Variants in RERE observed in about 807,000 individuals in gnomAD.
The protein encoded by RERE is arginine-glutamic acid dipeptide repeats protein.
In RERE, 40 loss-of-function variants were observed where a neutral mutation model predicts 146.1. The ratio of observed to expected loss-of-function variants is 0.27; its 90% CI spans 0.21 to 0.36. RERE has a LOEUF of 0.36. RERE is among the 10% of genes least tolerant of loss of function. The pLI is 1.00. For missense variants in RERE, 1,933 were observed against 2,138.7 expected (o/e 0.90, Z 1.90); for synonymous variants, 1,003 against 866.0 (o/e 1.16, Z -2.78).
intron 11 of RERE, among the ~76,000 whole-genome samples, chr1:8,445,311 A>G (rs1167753773): frequency 6.6e-6 from 1 of 152,208 alleles, no homozygotes; most frequent in African/African-American, 2.4e-5. Flanking sequence ...TGCCGTATGT[A>G]ACTGCTGTTC....
At chr1:8,433,802 C>T (rs990850570) in intron 11 of RERE, among the ~76,000 whole-genome samples, 7 of 151,936 alleles carry the variant, frequency 4.6e-5, no homozygotes, top group African/African-American at 1.7e-4. Context: ...CCTCATGATC[C>T]ACCCGCCTCG....
At position 8,410,109 on chromosome 1, in the gene RERE, AG is replaced by A. The variant is rs1312971680; in HGVS notation, c.1284+12617del. ...CCTATATGTGACTTTATGTTAGTCT[AG>A]GAACTGTGCACTGATGCACACCCAG... is the stretch of plus-strand genomic sequence containing the variant. On this transcript the variant is annotated intron_variant, in intron 12 of 22. Transcript: ENST00000400908. 2.6e-5 allele frequency among the ~76,000 whole-genome samples: 4 copies of A among 151,348 alleles called. No homozygotes were observed. The East Asian group carries it at 7.8e-4, about 29-fold the overall frequency.
chr1:8,701,161 A>G (rs990328476), intron 1 of RERE, among the ~76,000 whole-genome samples: 3 of 152,172 alleles, frequency 2.0e-5, no homozygotes, highest in Non-Finnish European at 4.4e-5. Context: ...CATCACACAC[A>G]GGCAATTCAC....
chr1:8,610,274 T>C (rs185545451), intron 4 of RERE, among the ~76,000 whole-genome samples: 4 of 152,238 alleles, frequency 2.6e-5, no homozygotes, highest in Admixed American at 2.6e-4. Flanking sequence ...TTCAAGAGAC[T>C]TTATGGATTT....
intron 7 of RERE, among the ~76,000 whole-genome samples, chr1:8,536,443 G>C (rs1196510685): frequency 1.3e-5 from 2 of 152,170 alleles, no homozygotes; most frequent in Non-Finnish European, 2.9e-5. Flanking sequence ...GGACAGTAAA[G>C]AGAGGCATAT....
chr1:8,354,259 C>T lies in RERE; in HGVS notation c.*828G>A, dbSNP rs1172115741. 2.6e-5 allele frequency: 4 copies of T among 152,544 alleles called. No individual in the cohort carries two copies. The highest frequency in any genetic ancestry group is 3.8e-4 in the East Asian group (2 of 5,196). The allele number at this position is 152,544 out of a possible 1,614,324, so 9.4% of individuals were successfully genotyped here. A position where few individuals can be genotyped will look rare whatever the true frequency, so the allele number is the denominator to read the frequency against. Reference sequence around the variant, plus strand: ...GTCTGTGCTGCTGGCAGAGCACAGGCTAGGAGCAGACACAAGTGAAACGCC... The same window carrying T: ...GTCTGTGCTGCTGGCAGAGCACAGGTTAGGAGCAGACACAAGTGAAACGCC... On this transcript the variant is annotated 3_prime_UTR_variant, in exon 23 of 23. Transcript: ENST00000400908.
chr1:8,665,008 C>T (rs1203079784), intron 1 of RERE, among the ~76,000 whole-genome samples: 2 of 152,136 alleles, frequency 1.3e-5, no homozygotes, highest in Non-Finnish European at 2.9e-5. Context: ...GGTGCTTATC[C>T]TTTTTTCGCT....
chr1:8,363,638 A>T (rs185974222), intron 15 of RERE: 27 of 203,702 alleles, frequency 1.3e-4, no homozygotes, highest in African/African-American at 6.4e-4. Flanking sequence ...CTATGCAGTG[A>T]GCAGAAAAAT....
At chr1:8,383,275 T>C (rs1642518326) in intron 12 of RERE, among the ~76,000 whole-genome samples, 1 of 151,562 alleles carries the variant, frequency 6.6e-6, no homozygotes, top group African/African-American at 2.4e-5. Context: ...CTAAGAAGCC[T>C]GTCTCCACCC....
At chr1:8,626,028 C>CTA (rs1282278192) in intron 2 of RERE, among the ~76,000 whole-genome samples, 1 of 152,222 alleles carries the variant, frequency 6.6e-6, no homozygotes, top group Non-Finnish European at 1.5e-5. Context: ...TAAGCTTTCC[C>CTA]TATCTTGTTC....
At chr1:8,448,418 G>C (rs1570256175) in intron 11 of RERE, among the ~76,000 whole-genome samples, 1 of 151,960 alleles carries the variant, frequency 6.6e-6, no homozygotes, top group Admixed American at 6.6e-5. Flanking sequence ...ACAGATAGAT[G>C]AAGAGTTATC....
At chr1:8,626,835 T>C (rs1646979117) in intron 2 of RERE, among the ~76,000 whole-genome samples, 1 of 152,204 alleles carries the variant, frequency 6.6e-6, no homozygotes, top group African/African-American at 2.4e-5. Context: ...TGTCTTTGAC[T>C]GTTAAGCCAC....
chr1:8,359,172 G>C (rs192366263), intron 19 of RERE, among the ~76,000 whole-genome samples: 51 of 152,330 alleles, frequency 3.3e-4, no homozygotes, highest in African/African-American at 1.1e-3. Flanking sequence ...CTCATGCATG[G>C]GTTGTCTACG....
chr1:8,401,421 AAC>A (rs1436644635), intron 12 of RERE, among the ~76,000 whole-genome samples: 3 of 151,840 alleles, frequency 2.0e-5, no homozygotes, highest in African/African-American at 4.8e-5. Flanking sequence ...CAGCCTGCGC[AAC>A]AGAGTGAGAA....
intron 4 of RERE, among the ~76,000 whole-genome samples, chr1:8,592,957 A>C (rs914755113): frequency 6.6e-6 from 1 of 152,128 alleles, no homozygotes; most frequent in East Asian, 1.9e-4. Flanking sequence ...GGTATTCTTC[A>C]CATGTTTTTC....
chr1:8,380,777 C>T (rs1642418343), intron 12 of RERE: 2 of 455,326 alleles, frequency 4.4e-6, no homozygotes, highest in South Asian at 3.1e-5. Context: ...TGACTTCAGA[C>T]TTGAGCCCAT....
At chr1:8,434,231 C>T (rs1644136894) in intron 11 of RERE, among the ~76,000 whole-genome samples, 1 of 152,158 alleles carries the variant, frequency 6.6e-6, no homozygotes, top group Non-Finnish European at 1.5e-5. Flanking sequence ...CCAACAGCCC[C>T]TCAATGTCCC....
chr1:8,431,189 G>T (rs910829000), intron 11 of RERE, among the ~76,000 whole-genome samples: 1 of 152,202 alleles, frequency 6.6e-6, no homozygotes, highest in Admixed American at 6.5e-5. Context: ...AGCAGGAAGT[G>T]AGCGGCAGGC....
chr1:8,373,784 G>A (rs1312379741), intron 12 of RERE, among the ~76,000 whole-genome samples: 6 of 152,216 alleles, frequency 3.9e-5, no homozygotes, highest in Non-Finnish European at 8.8e-5. Flanking sequence ...TCTGACAACT[G>A]TTCAGAACAT....
Sources: allele counts gnomAD v4.1 joint callset (sites outside exome capture counted in the v4.1 genomes callset), GRCh38; gene constraint gnomAD v4.1.1; transcripts MANE v1.5; gene names NCBI Gene and HGNC (gene_info 2026-07-23, HGNC 2026-07-21).